Variants in RAD51B observed in about 807,000 individuals in gnomAD.
RAD51B encodes DNA repair protein RAD51 homolog 2.
RAD51B carries 38 observed loss-of-function variants against 42.2 expected under a neutral mutation model. That is an observed-to-expected ratio of 0.90 (90% confidence interval 0.70 to 1.18). The LOEUF is 1.18. Ranked by LOEUF, RAD51B falls within the 50% of genes most tolerant of loss-of-function variation. RAD51B has a pLI of 0.00. For missense variants in RAD51B, 373 were observed against 400.7 expected, an observed-to-expected ratio of 0.93 and a Z score of 0.59; for synonymous variants, 154 against 145.2, an observed-to-expected ratio of 1.06 and a Z score of -0.43.
At chr14:68,660,218 T>C (rs1892904275) in intron 11 of RAD51B, among the ~76,000 whole-genome samples, 1 of 152,188 alleles carries the variant, frequency 6.6e-6, no homozygotes, top group African/African-American at 2.4e-5. Context: ...GTATAAAGTA[T>C]CCTGTTTTTA....
At chr14:68,123,623 C>A (rs567481422) in intron 7 of RAD51B, among the ~76,000 whole-genome samples, 2 of 152,112 alleles carry the variant, frequency 1.3e-5, no homozygotes, top group Non-Finnish European at 2.9e-5. Flanking sequence ...GTCTGGCCAA[C>A]GTGGTGAAAC....
chr14:68,137,825 G>A (rs571573391), intron 7 of RAD51B, among the ~76,000 whole-genome samples: 3 of 152,282 alleles, frequency 2.0e-5, no homozygotes, highest in African/African-American at 7.2e-5. Context: ...TCGTTGCCCT[G>A]ACACTGCCTG....
At chr14:67,848,584 T>TTAGTAATGTTTACTA (rs2041702078) in intron 4 of RAD51B, among the ~76,000 whole-genome samples, 1 of 152,170 alleles carries the variant, frequency 6.6e-6, no homozygotes, top group Non-Finnish European at 1.5e-5. Context: ...CACTTAACAT[T>TTAGTAATGTTTACTA]GAAGTTTAGT....
At chr14:68,635,036 G>A (rs927327342) in intron 10 of RAD51B, among the ~76,000 whole-genome samples, 5 of 152,170 alleles carry the variant, frequency 3.3e-5, no homozygotes, top group Admixed American at 3.3e-4. Context: ...CGGTGACAGG[G>A]CCATATGGTT....
rs1017803968 is a variant in RAD51B, at chr14:67,921,719, A to G, written c.756+34515A>G. On this transcript the variant is annotated intron_variant, in intron 7 of 10. Transcript: ENST00000471583. ...GTTTTGGTATAACATTGATGACTGAAAAAACAAAAAACAAAAATCCCAGTT... is the reference window on the plus strand; with the variant it reads ...GTTTTGGTATAACATTGATGACTGAGAAAACAAAAAACAAAAATCCCAGTT... Among the ~76,000 whole-genome samples, 4 of 152,150 alleles carry G rather than the reference A, an allele frequency of 2.6e-5. No individual in the cohort carries two copies. The East Asian group carries it at 7.7e-4, about 29-fold the overall frequency.
chr14:68,386,425 T>G (rs1247611446), intron 8 of RAD51B, among the ~76,000 whole-genome samples: 1 of 152,216 alleles, frequency 6.6e-6, no homozygotes, highest in Non-Finnish European at 1.5e-5. Context: ...AGCAATAACA[T>G]ACCTTTCCCC....
At chr14:67,848,994 T>C (rs2041714813) in intron 4 of RAD51B, among the ~76,000 whole-genome samples, 1 of 152,214 alleles carries the variant, frequency 6.6e-6, no homozygotes, top group South Asian at 2.1e-4. Context: ...ATTACCATTC[T>C]CTCTTGCTTC....
chr14:68,641,431 A>G (rs1042107589), intron 10 of RAD51B, among the ~76,000 whole-genome samples: 1 of 151,996 alleles, frequency 6.6e-6, no homozygotes, highest in African/African-American at 2.4e-5. Flanking sequence ...CTGAATCTGA[A>G]CACTTTTTAT....
chr14:67,924,360 G>A (rs1465240390), intron 7 of RAD51B, among the ~76,000 whole-genome samples: 1 of 152,100 alleles, frequency 6.6e-6, no homozygotes, highest in African/African-American at 2.4e-5. Context: ...TTATGTTCAG[G>A]TCTTAGATTT....
At chr14:68,669,627 TACACACACACACACACAC>T (rs34821600) in intron 11 of RAD51B, among the ~76,000 whole-genome samples, 1 of 147,916 alleles carries the variant, frequency 6.8e-6, no homozygotes, top group East Asian at 2.0e-4. Flanking sequence ...ACCCGCCACT[TACACACACACACACACAC>T]ACACACACAC....
chr14:67,863,930 A>G (rs1566930085), intron 4 of RAD51B, among the ~76,000 whole-genome samples: 1 of 152,176 alleles, frequency 6.6e-6, no homozygotes, highest in East Asian at 1.9e-4. Flanking sequence ...GGAAACTTAC[A>G]GGGGAAGCAA....
chr14:68,364,059 G>C (rs765520281), intron 8 of RAD51B, among the ~76,000 whole-genome samples: 3 of 152,212 alleles, frequency 2.0e-5, no homozygotes, highest in Non-Finnish European at 4.4e-5. Flanking sequence ...GGAAGTATCT[G>C]CTGCTGAGCT....
At chr14:68,203,832 A>C (rs1452864749) in intron 7 of RAD51B, among the ~76,000 whole-genome samples, 1 of 152,236 alleles carries the variant, frequency 6.6e-6, no homozygotes, top group Non-Finnish European at 1.5e-5. Context: ...TTCCTTAAAC[A>C]ACTCATGAAG....
intron 7 of RAD51B, among the ~76,000 whole-genome samples, chr14:67,892,254 C>T (rs1000570119): frequency 5.9e-5 from 9 of 152,072 alleles, no homozygotes; most frequent in African/African-American, 2.2e-4. Flanking sequence ...CTAGACTAAA[C>T]CTTTATCAGT....
chr14:68,560,759 A>G (rs1294096505), intron 10 of RAD51B, among the ~76,000 whole-genome samples: 1 of 151,888 alleles, frequency 6.6e-6, no homozygotes, highest in Non-Finnish European at 1.5e-5. Context: ...TGACCTTCAG[A>G]AGCACTGACC....
intron 9 of RAD51B, among the ~76,000 whole-genome samples, chr14:68,459,785 CA>C (rs1443636990): frequency 1.3e-5 from 2 of 152,204 alleles, no homozygotes; most frequent in Admixed American, 1.3e-4. Context: ...CATCTTATAG[CA>C]GATAGCAGGG....
At chr14:67,979,884 CTGTT>C (rs1402888457) in intron 7 of RAD51B, among the ~76,000 whole-genome samples, 3 of 152,054 alleles carry the variant, frequency 2.0e-5, no homozygotes, top group African/African-American at 7.2e-5. Context: ...AAAATGGTGG[CTGTT>C]TGTTTAAGTC....
chr14:68,421,027 T>G (rs2084685674), intron 9 of RAD51B, among the ~76,000 whole-genome samples: 1 of 152,250 alleles, frequency 6.6e-6, no homozygotes, highest in South Asian at 2.1e-4. Flanking sequence ...GAATGTCATT[T>G]GGTTTACCTG....
intron 9 of RAD51B, 107 bp from the exon 10 acceptor site, chr14:68,468,065 G>T: frequency 3.4e-6 from 3 of 882,732 alleles, no homozygotes; most frequent in Non-Finnish European, 5.6e-6. Flanking sequence ...TAAGCCTTGT[G>T]ACTTACAGTC....
Sources: gnomAD v4.1 joint callset for allele counts (sites outside exome capture counted in the v4.1 genomes callset) on GRCh38, gnomAD v4.1.1 for gene constraint, MANE v1.5 for transcripts, NCBI Gene and HGNC (gene_info 2026-07-23, HGNC 2026-07-21) for gene names.